The following AGBL4 variants were observed in gnomAD, a reference collection of about 807,000 sequenced individuals.
AGBL4 encodes the protein cytosolic carboxypeptidase 6.
Under a neutral mutation model 66.4 loss-of-function variants are expected in AGBL4, and 58 were observed. The ratio of observed to expected loss-of-function variants is 0.87; its 90% CI spans 0.71 to 1.09. The LOEUF (loss-of-function observed/expected upper bound fraction) is 1.09. Ranked by LOEUF, AGBL4 falls within the 50% of genes least tolerant of loss-of-function variation. The pLI is 0.00. For synonymous variants in AGBL4, 234 were observed against 222.9 expected, an observed-to-expected ratio of 1.05 and a Z score of -0.44; for missense variants, 579 against 631.0, an observed-to-expected ratio of 0.92 and a Z score of 0.88.
At chr1:49,589,865 T>G (rs1571119245) in intron 3 of AGBL4, among the ~76,000 whole-genome samples, 1 of 152,210 alleles carries the variant, frequency 6.6e-6, no homozygotes, top group Admixed American at 6.5e-5. Context: ...TCACCCTTCC[T>G]TATTTTTCTT....
chr1:49,131,316 G>T (rs1645891077), intron 4 of AGBL4, among the ~76,000 whole-genome samples: 1 of 151,998 alleles, frequency 6.6e-6, no homozygotes, highest in African/African-American at 2.4e-5. Flanking sequence ...TTGTGGTGGT[G>T]ATTACATGGG....
chr1:49,529,539 C>T (rs1433907704), intron 3 of AGBL4, among the ~76,000 whole-genome samples: 1 of 152,000 alleles, frequency 6.6e-6, no homozygotes, highest in African/African-American at 2.4e-5. Flanking sequence ...ATTAGCTAAG[C>T]ATGGTGGCAC....
At position 48,913,567 on chromosome 1, in the gene AGBL4, T is replaced by C. The variant is rs147019751; in HGVS notation, c.595-46337A>G. ...AACTGCACATGTGAAGGATCTAGGT[T>C]GTGGGCTCCTTATGAGAATCTAATG... is the stretch of plus-strand genomic sequence containing the variant. On this transcript the variant is annotated intron_variant, in intron 5 of 13. Transcript: ENST00000371839. 5.9e-5 allele frequency among the ~76,000 whole-genome samples: 9 copies of C among 152,274 alleles called. No homozygotes were observed. In the East Asian group the frequency reaches 1.5e-3, roughly 26 times the overall value.
chr1:49,391,972 T>C (rs528432475), intron 3 of AGBL4, among the ~76,000 whole-genome samples: 3 of 152,098 alleles, frequency 2.0e-5, no homozygotes, highest in Non-Finnish European at 2.9e-5. Context: ...TCAGCATTTA[T>C]TGAGCACATG....
intron 2 of AGBL4, 139 bp downstream of exon 2, chr1:49,851,257 T>A: frequency 1.0e-6 from 1 of 985,534 alleles, no homozygotes; most frequent in African/African-American, 1.7e-5. Flanking sequence ...CCTTCAAAAT[T>A]TTTTCCCATA....
In AGBL4 at chr1:48,680,319, G is replaced by A. The variant is rs184910382; in HGVS notation, c.635-17078C>T. Among the ~76,000 whole-genome samples the A allele has an allele frequency of 2.7e-4, 41 of 152,302 alleles. No individual in the cohort carries two copies. The East Asian group carries it at 6.6e-3, about 24-fold the overall frequency. Reference sequence around the variant, plus strand: ...AGGCTGCAAGGGGATCAGTAAGATCGTGTCCGTTACCTTGCAAACTGAGTA... The same window carrying A: ...AGGCTGCAAGGGGATCAGTAAGATCATGTCCGTTACCTTGCAAACTGAGTA... On this transcript the variant is annotated intron_variant, in intron 6 of 13. Coordinates refer to ENST00000371839, the MANE Select transcript of AGBL4 (RefSeq NM_032785.4).
intron 3 of AGBL4, among the ~76,000 whole-genome samples, chr1:49,533,007 A>T (rs1651258179): frequency 6.6e-6 from 1 of 152,158 alleles, no homozygotes; most frequent in Non-Finnish European, 1.5e-5. Context: ...ATTCCACAGT[A>T]CAATTCTGCT....
intron 5 of AGBL4, among the ~76,000 whole-genome samples, chr1:49,033,831 T>C (rs1664426367): frequency 1.3e-5 from 2 of 151,944 alleles, no homozygotes; most frequent in African/African-American, 2.4e-5. Context: ...TCTTTTTTTT[T>C]TTTTTTACTT....
In AGBL4 at chr1:48,761,458, T is replaced by A. The variant is rs1217785247; in HGVS notation, c.635-98217A>T. On this transcript the variant is annotated intron_variant, in intron 6 of 13. Coordinates refer to ENST00000371839, the MANE Select transcript of AGBL4 (RefSeq NM_032785.4). ...CTTCTGCATCACACTGTTTTCAAGG[T>A]CAGATTTGTCTTCTAAAATGCATAT... 20 of 1,550,746 alleles carry A rather than the reference T, an allele frequency of 1.3e-5. No homozygotes were observed. In the South Asian group the frequency reaches 2.4e-4, roughly 18 times the overall value.
chr1:48,878,747 C>A (rs1415981651), intron 5 of AGBL4, among the ~76,000 whole-genome samples: 2 of 152,076 alleles, frequency 1.3e-5, no homozygotes, highest in African/African-American at 4.8e-5. Flanking sequence ...CTGAATTGCA[C>A]GATATTGTGG....
At chr1:49,179,772 T>C (rs1194288922) in intron 4 of AGBL4, among the ~76,000 whole-genome samples, 2 of 152,270 alleles carry the variant, frequency 1.3e-5, no homozygotes, top group East Asian at 1.9e-4. Flanking sequence ...AGTTATGAAT[T>C]ATGATAAAGC....
chr1:49,914,260 G>T, intron 1 of AGBL4, among the ~76,000 whole-genome samples: 1 of 152,160 alleles, frequency 6.6e-6, no homozygotes, highest in Non-Finnish European at 1.5e-5. Flanking sequence ...CATTTTAAAA[G>T]TTTAAATGCT....
intron 3 of AGBL4, among the ~76,000 whole-genome samples, chr1:49,506,312 A>G (rs959494593): frequency 3.9e-5 from 6 of 152,076 alleles, no homozygotes; most frequent in Non-Finnish European, 7.4e-5. Context: ...GTAACATATA[A>G]TAATAGCAAA....
intron 3 of AGBL4, among the ~76,000 whole-genome samples, chr1:49,660,995 T>C (rs1006353181): frequency 6.6e-6 from 1 of 151,984 alleles, no homozygotes; most frequent in Non-Finnish European, 1.5e-5. Flanking sequence ...AAATAGCTAA[T>C]GCATGCTGGG....
intron 3 of AGBL4, among the ~76,000 whole-genome samples, chr1:49,597,085 G>A (rs755684974): frequency 1.3e-5 from 2 of 152,162 alleles, no homozygotes; most frequent in Non-Finnish European, 2.9e-5. Context: ...TTACTACAAT[G>A]AACACCTAAT....
chr1:49,928,091 G>C (rs1176396151), intron 1 of AGBL4, among the ~76,000 whole-genome samples: 1 of 152,034 alleles, frequency 6.6e-6, no homozygotes, highest in African/African-American at 2.4e-5. Flanking sequence ...ATGGAATGAA[G>C]ATTCACATTG....
intron 3 of AGBL4, among the ~76,000 whole-genome samples, chr1:49,483,971 A>C (rs929803258): frequency 7.2e-5 from 11 of 152,108 alleles, no homozygotes; most frequent in Non-Finnish European, 1.6e-4. Context: ...AAAAGAAGAC[A>C]TACAAATGGC....
chr1:48,828,004 AC>A (rs1241275533), intron 6 of AGBL4, among the ~76,000 whole-genome samples: 1 of 121,210 alleles, frequency 8.3e-6, no homozygotes, highest in South Asian at 2.5e-4. Context: ...ATACACACAC[AC>A]ACACACACAC....
At chr1:49,568,874 C>A (rs1644269534) in intron 3 of AGBL4, among the ~76,000 whole-genome samples, 2 of 152,034 alleles carry the variant, frequency 1.3e-5, no homozygotes, top group South Asian at 4.1e-4. Flanking sequence ...ATCTGATCTT[C>A]CACAATGCTG....
Sources: allele counts gnomAD v4.1 joint callset (sites outside exome capture counted in the v4.1 genomes callset), GRCh38; gene constraint gnomAD v4.1.1; transcripts MANE v1.5; gene names NCBI Gene and HGNC (gene_info 2026-07-23, HGNC 2026-07-21).